Variants in SLC4A4 observed in about 807,000 individuals in gnomAD.
SLC4A4 encodes solute carrier family 4 member 4, also known as electrogenic sodium bicarbonate cotransporter 1.
SLC4A4 carries 27 observed loss-of-function variants against 111.5 expected under a neutral mutation model. The observed-to-expected ratio is 0.24, with a 90% CI of 0.18 to 0.33. SLC4A4 has a LOEUF of 0.33. Ranked by LOEUF, SLC4A4 falls within the 10% of genes least tolerant of loss-of-function variation. SLC4A4 has a pLI of 1.00. For synonymous variants in SLC4A4, 443 were observed against 463.4 expected (o/e 0.96, Z 0.57); for missense variants, 909 against 1,315.5 (o/e 0.69, Z 4.78).
chr4:71,148,660 G>A (rs962289657), intron 2 of SLC4A4, among the ~76,000 whole-genome samples: 3 of 152,092 alleles, frequency 2.0e-5, no homozygotes, highest in Non-Finnish European at 4.4e-5. Flanking sequence ...TTGGTTTTCT[G>A]TTACTGTGTT....
chr4:71,148,546 C>A (rs1744238627), intron 2 of SLC4A4, among the ~76,000 whole-genome samples: 1 of 152,154 alleles, frequency 6.6e-6, no homozygotes, highest in South Asian at 2.1e-4. Flanking sequence ...TCTCCTTCCT[C>A]TCATCCTCCA....
At chr4:71,316,385 A>G (rs1415427817) in intron 3 of SLC4A4, among the ~76,000 whole-genome samples, 1 of 152,128 alleles carries the variant, frequency 6.6e-6, no homozygotes, top group East Asian at 1.9e-4. Context: ...AAATGTTTTA[A>G]TAGGAATGGA....
chr4:71,089,883 TC>T (rs1742325640), intron 1 of SLC4A4, among the ~76,000 whole-genome samples: 1 of 142,930 alleles, frequency 7.0e-6, no homozygotes, highest in Non-Finnish European at 1.6e-5. Flanking sequence ...TTCTCAGATC[TC>T]CAGCTGTGTG....
At chr4:71,257,320 ATTAT>A (rs1388625024) in intron 3 of SLC4A4, among the ~76,000 whole-genome samples, 1 of 152,236 alleles carries the variant, frequency 6.6e-6, no homozygotes, top group Non-Finnish European at 1.5e-5. Context: ...TCATAAAAAA[ATTAT>A]TTATAAGTAT....
intron 3 of SLC4A4, among the ~76,000 whole-genome samples, chr4:71,322,186 C>A (rs1382898940): frequency 1.3e-5 from 2 of 151,920 alleles, no homozygotes; most frequent in African/African-American, 4.8e-5. Flanking sequence ...GTAACATTTC[C>A]TTGAGGCCTC....
At chr4:71,153,035 A>G (rs113848329) in intron 2 of SLC4A4, among the ~76,000 whole-genome samples, 15,541 of 120,464 alleles carry the variant, frequency 0.13, 1,412 homozygotes, top group African/African-American at 0.38. Context: ...ATGTGTGTGT[A>G]TATATATATA....
At chr4:71,176,926 G>A (rs1461825185) in intron 2 of SLC4A4, among the ~76,000 whole-genome samples, 2 of 152,210 alleles carry the variant, frequency 1.3e-5, no homozygotes, top group East Asian at 3.9e-4. Flanking sequence ...GGCAGGCAGA[G>A]AGAAAGGTCG....
upstream of SLC4A4, among the ~76,000 whole-genome samples, chr4:71,183,688 T>C (rs898592387): frequency 6.6e-6 from 1 of 152,238 alleles, no homozygotes; most frequent in Non-Finnish European, 1.5e-5. Flanking sequence ...ACAAAATTGA[T>C]ACAGAGTGAC....
chr4:71,440,813 A>G (rs748178347), intron 8 of SLC4A4, 40 bp downstream of exon 8: 3 of 1,605,810 alleles, frequency 1.9e-6, no homozygotes, highest in Non-Finnish European at 1.7e-6. Context: ...ATGTGCTAAT[A>G]GGGTTATCTC....
At chr4:71,500,598 G>A (rs1230736315) in intron 16 of SLC4A4, among the ~76,000 whole-genome samples, 8 of 152,178 alleles carry the variant, frequency 5.3e-5, no homozygotes, top group South Asian at 2.1e-4. Flanking sequence ...GGGATTACAG[G>A]TGTGAGCCAC....
rs985772545 is a variant in SLC4A4, at chr4:71,194,113, G to A, written c.-2+6712G>A. Among the ~76,000 whole-genome samples the A allele has an allele frequency of 5.9e-5, 9 of 152,316 alleles. No homozygotes were observed. The South Asian group carries it at 1.9e-3, about 32-fold the overall frequency. ...AATGACCAATGGAGATTTGTATTTG[G>A]AAGGTATGAATTGAACATCTAGCTC... On this transcript the variant is annotated intron_variant, in intron 1 of 25. Transcript: ENST00000264485.
intron 5 of SLC4A4, among the ~76,000 whole-genome samples, chr4:71,354,988 A>C (rs1730158253): frequency 6.6e-6 from 1 of 152,196 alleles, no homozygotes; most frequent in South Asian, 2.1e-4. Context: ...GTGAAATGTT[A>C]CTGCCCCCAC....
intron 3 of SLC4A4, among the ~76,000 whole-genome samples, chr4:71,298,640 G>T (rs1315868018): frequency 6.6e-6 from 1 of 152,044 alleles, no homozygotes; most frequent in Non-Finnish European, 1.5e-5. Context: ...TAGGAAAAGA[G>T]ATTCAGTTTT....
At chr4:71,262,335 T>C (rs868752723) in intron 3 of SLC4A4, among the ~76,000 whole-genome samples, 1 of 152,180 alleles carries the variant, frequency 6.6e-6, no homozygotes, top group Admixed American at 6.5e-5. Context: ...ACGGGCCTAC[T>C]CTATAAATAA....
At chr4:71,553,602 C>T (rs138107242) in intron 20 of SLC4A4, among the ~76,000 whole-genome samples, 48 of 151,260 alleles carry the variant, frequency 3.2e-4, no homozygotes, top group African/African-American at 1.2e-3. Context: ...CCACCACCCA[C>T]CAAATTGAAA....
intron 17 of SLC4A4, among the ~76,000 whole-genome samples, chr4:71,533,899 G>A (rs1734167108): frequency 6.6e-6 from 1 of 151,580 alleles, no homozygotes; most frequent in South Asian, 2.1e-4. Flanking sequence ...TTTTACATTT[G>A]GAGTTTTCTT....
intron 9 of SLC4A4, 121 bp from the exon 10 acceptor site, chr4:71,450,268 A>T (rs1725637026): frequency 1.3e-6 from 1 of 767,748 alleles, no homozygotes; most frequent in Non-Finnish European, 2.3e-6. Flanking sequence ...GGACTATCAG[A>T]GCATGGCTGG....
At chr4:71,248,218 G>A (rs1665924445) in intron 2 of SLC4A4, among the ~76,000 whole-genome samples, 1 of 152,048 alleles carries the variant, frequency 6.6e-6, no homozygotes, top group Non-Finnish European at 1.5e-5. Context: ...GCTGGAGGTG[G>A]GTGGGAATGA....
At chr4:71,383,660 ACTAACAT>A (rs1404033116) in intron 6 of SLC4A4, among the ~76,000 whole-genome samples, 1 of 152,180 alleles carries the variant, frequency 6.6e-6, no homozygotes, top group East Asian at 1.9e-4. Context: ...AGAGAGGAAA[ACTAACAT>A]CTATTGAACA....
Sources: gnomAD v4.1 joint callset for allele counts (sites outside exome capture counted in the v4.1 genomes callset) on GRCh38, gnomAD v4.1.1 for gene constraint, MANE v1.5 for transcripts, NCBI Gene and HGNC (gene_info 2026-07-23, HGNC 2026-07-21) for gene names.